The following PLEKHA2 variants were observed in gnomAD, a reference collection of about 807,000 sequenced individuals.
PLEKHA2 encodes the protein pleckstrin homology domain containing A2, also known as pleckstrin homology domain-containing family A member 2.
A neutral mutation model predicts 53.2 loss-of-function variants in PLEKHA2; 28 were observed. That is an observed-to-expected ratio of 0.53 (90% CI 0.39 to 0.72). PLEKHA2 has a LOEUF of 0.72. Ranked by LOEUF, PLEKHA2 falls within the 30% of genes least tolerant of loss-of-function variation. The probability of loss-of-function intolerance (pLI) is 0.00; values close to 1 mark genes in which losing one functional copy is unlikely to be tolerated. For missense variants in PLEKHA2, 426 were observed against 537.9 expected (o/e 0.79, Z 2.06); for synonymous variants, 193 against 196.4 (o/e 0.98, Z 0.14).
rs954558479 is a variant in PLEKHA2 at position 38,973,148 on chromosome 8, A to G, written c.*3365A>G. 6.6e-6 allele frequency: 1 copy of G among 152,066 alleles called. No homozygotes were observed. Among genetic ancestry groups the G allele is most frequent in the African/African-American group, 2.4e-5 (1 of 41,388 alleles). The allele number at this position is 152,066 out of a possible 1,614,324, so 9.4% of individuals were successfully genotyped here. A position where few individuals can be genotyped will look rare whatever the true frequency, so the allele number is the denominator to read the frequency against. Reference sequence around the variant, plus strand: ...AATCTTCAAAAGACTTGCTTACTCAATGTCAGCTGATGGTTGGTAAAAATA... The same window carrying G: ...AATCTTCAAAAGACTTGCTTACTCAGTGTCAGCTGATGGTTGGTAAAAATA... On this transcript the variant is annotated 3_prime_UTR_variant, in exon 12 of 12. Transcript: ENST00000617275.
At chr8:38,966,070 G>A (rs1835128789) in intron 10 of PLEKHA2, among the ~76,000 whole-genome samples, 1 of 152,060 alleles carries the variant, frequency 6.6e-6, no homozygotes. Context: ...GGGAGACAGC[G>A]CTAGTAAGTT....
At chr8:38,918,610 A>G (rs1160204217) in intron 2 of PLEKHA2, among the ~76,000 whole-genome samples, 1 of 1,702 alleles carries the variant, frequency 5.9e-4, no homozygotes, top group African/African-American at 1.8e-3. Context: ...ACACACATAC[A>G]CAAGCCATAC....
intron 7 of PLEKHA2, 84 bp from the exon 8 acceptor site, chr8:38,952,552 G>A: frequency 6.8e-7 from 1 of 1,465,452 alleles, no homozygotes; most frequent in East Asian, 2.4e-5. Flanking sequence ...ATGGGGCTGG[G>A]TCCTTGGGAG....
At chr8:38,958,809 C>T (rs987731271) in intron 10 of PLEKHA2, among the ~76,000 whole-genome samples, 1 of 152,120 alleles carries the variant, frequency 6.6e-6, no homozygotes, top group African/African-American at 2.4e-5. Context: ...TTGTCTCAGG[C>T]TGGGGACACC....
chr8:38,936,622 C>T (rs1315190437), intron 3 of PLEKHA2, among the ~76,000 whole-genome samples: 1 of 152,212 alleles, frequency 6.6e-6, no homozygotes, highest in Non-Finnish European at 1.5e-5. Flanking sequence ...AGGCCACCCC[C>T]GTCCCATTTG....
rs1489938561 is a variant in PLEKHA2 at position 38,968,538 on chromosome 8, AG to A, written c.838-53del. On this transcript the variant is annotated intron_variant, in intron 10 of 11. Transcript: ENST00000617275. ...CTTAATATTGAGTCAGAGACTTGGA[AG>A]CTGAAATCATAGTGCCTAAAATTTC... The A allele has an allele frequency of 5.8e-6, 9 of 1,554,532 alleles. No individual in the cohort carries two copies. The African/African-American group carries it at 8.1e-5, about 14-fold the overall frequency.
chr8:38,912,020 G>A (rs574334570), intron 1 of PLEKHA2, among the ~76,000 whole-genome samples: 24 of 151,836 alleles, frequency 1.6e-4, no homozygotes, highest in Admixed American at 1.5e-3. Context: ...AGTGATTTTG[G>A]CTGGGCGTAG....
At chr8:38,901,471 G>C (rs1453334954) in intron 1 of PLEKHA2, 26 bp downstream of exon 1, 3 of 151,622 alleles carry the variant, frequency 2.0e-5, no homozygotes, top group Admixed American at 6.6e-5. Flanking sequence ...TCGCGGGCTC[G>C]GGAGTGGAGA....
chr8:38,907,261 T>C (rs1019686638), intron 1 of PLEKHA2, among the ~76,000 whole-genome samples: 5 of 152,224 alleles, frequency 3.3e-5, no homozygotes, highest in South Asian at 2.1e-4. Flanking sequence ...ACTGAGGTTG[T>C]AGTAATTTTG....
At chr8:38,952,113 C>CTG in intron 6 of PLEKHA2, 53 bp from the exon 7 acceptor site, 2 of 1,574,334 alleles carry the variant, frequency 1.3e-6, no homozygotes, top group Non-Finnish European at 1.7e-6. Flanking sequence ...GTAGGTGGGG[C>CTG]TGTGGCTGCA....
chr8:38,914,555 G>A (rs1470690625), intron 1 of PLEKHA2, among the ~76,000 whole-genome samples: 2 of 152,266 alleles, frequency 1.3e-5, no homozygotes, highest in East Asian at 3.8e-4. Context: ...TGGACAGAGG[G>A]CCTTCATGGG....
intron 2 of PLEKHA2, among the ~76,000 whole-genome samples, chr8:38,929,965 A>C (rs1834359957): frequency 3.3e-5 from 5 of 152,286 alleles, no homozygotes; most frequent in Admixed American, 2.6e-4. Flanking sequence ...ATGGGTAAAA[A>C]TTTCTTCTTC....
chr8:38,932,822 C>T (rs1295705756), intron 2 of PLEKHA2, among the ~76,000 whole-genome samples: 3 of 152,176 alleles, frequency 2.0e-5, no homozygotes, highest in African/African-American at 4.8e-5. Context: ...ATCAGACACG[C>T]GTCATATTTT....
chr8:38,954,448 C>T (rs1337773483), intron 9 of PLEKHA2, among the ~76,000 whole-genome samples: 1 of 152,086 alleles, frequency 6.6e-6, no homozygotes. Flanking sequence ...GATGTGAGAC[C>T]ACCTGGGCAC....
intron 2 of PLEKHA2, among the ~76,000 whole-genome samples, chr8:38,924,590 A>G (rs893705459): frequency 6.6e-6 from 1 of 152,202 alleles, no homozygotes; most frequent in Admixed American, 6.5e-5. Context: ...TGCACCGGGC[A>G]GTCACTGGCT....
chr8:38,918,173 A>T (rs1294227695), intron 2 of PLEKHA2, 103 bp downstream of exon 2: 1 of 1,424,928 alleles, frequency 7.0e-7, no homozygotes. Context: ...TGAGCAACAC[A>T]ACCTGCTGAT....
At chr8:38,908,771 A>T in intron 1 of PLEKHA2, among the ~76,000 whole-genome samples, 1 of 152,228 alleles carries the variant, frequency 6.6e-6, no homozygotes, top group South Asian at 2.1e-4. Context: ...TTTTCCCCTC[A>T]TTCATTAAAA....
intron 2 of PLEKHA2, among the ~76,000 whole-genome samples, chr8:38,921,154 T>G (rs539716212): frequency 2.0e-5 from 3 of 152,216 alleles, no homozygotes; most frequent in Admixed American, 6.5e-5. Flanking sequence ...AAATGTTTGT[T>G]GCCAGTAGAC....
At chr8:38,943,626 T>G (rs980552694) in intron 3 of PLEKHA2, among the ~76,000 whole-genome samples, 163 bp from the exon 4 acceptor site, 1 of 152,204 alleles carries the variant, frequency 6.6e-6, no homozygotes, top group Non-Finnish European at 1.5e-5. Flanking sequence ...AATGCCTGTT[T>G]CTTAATCTGG....
Sources: allele counts gnomAD v4.1 joint callset (sites outside exome capture counted in the v4.1 genomes callset), GRCh38; gene constraint gnomAD v4.1.1; transcripts MANE v1.5; gene names NCBI Gene and HGNC (gene_info 2026-07-23, HGNC 2026-07-21).